RSF1: variants seen among roughly 807,000 people sequenced by gnomAD.
The protein encoded by RSF1 is remodeling and spacing factor 1.
Under a neutral mutation model 145.2 loss-of-function variants are expected in RSF1, and 13 were observed. The observed-to-expected ratio is 0.09, with a 90% CI of 0.06 to 0.14. The LOEUF (loss-of-function observed/expected upper bound fraction) is 0.14, where lower values mean the gene tolerates loss of function less well. Ranked by LOEUF, RSF1 falls within the 10% of genes least tolerant of loss-of-function variation. RSF1 has a pLI of 1.00. For synonymous variants in RSF1, 577 were observed against 592.6 expected (o/e 0.97, Z 0.38); for missense variants, 1,517 against 1,718.2 (o/e 0.88, Z 2.07).
chr11:77,755,318 G>A (rs1330313056), intron 2 of RSF1, among the ~76,000 whole-genome samples: 1 of 152,178 alleles, frequency 6.6e-6, no homozygotes, highest in Non-Finnish European at 1.5e-5. Flanking sequence ...CAGGACAGCT[G>A]ATGGAACAGA....
intron 1 of RSF1, among the ~76,000 whole-genome samples, chr11:77,796,415 G>T (rs531030528): frequency 6.6e-6 from 1 of 152,146 alleles, no homozygotes; most frequent in Non-Finnish European, 1.5e-5. Flanking sequence ...AAAATTACAT[G>T]ATTATCTCAA....
chr11:77,737,867 C>T (rs1226534221), intron 4 of RSF1, among the ~76,000 whole-genome samples: 2 of 152,180 alleles, frequency 1.3e-5, no homozygotes, highest in Non-Finnish European at 2.9e-5. Flanking sequence ...CGGTGGCTCA[C>T]GCCTGTAATC....
At chr11:77,841,434 G>T in the RSF1 span, among the ~76,000 whole-genome samples, 1 of 152,110 alleles carries the variant, frequency 6.6e-6, no homozygotes, top group South Asian at 2.1e-4. Flanking sequence ...ATATAGCTTA[G>T]TGTTCAGCCA....
At chr11:77,752,643 T>A (rs376589665) in intron 2 of RSF1, among the ~76,000 whole-genome samples, 1 of 152,160 alleles carries the variant, frequency 6.6e-6, no homozygotes, top group Non-Finnish European at 1.5e-5. Flanking sequence ...GAGTCCTTGA[T>A]GTCCCTGGCT....
intron 7 of RSF1, among the ~76,000 whole-genome samples, chr11:77,695,448 GAATT>G (rs1960257368): frequency 6.6e-6 from 1 of 152,054 alleles, no homozygotes; most frequent in African/African-American, 2.4e-5. Flanking sequence ...ATATCAATAT[GAATT>G]AATGATTATT....
chr11:77,822,543 G>T (rs1253715309), upstream of RSF1, among the ~76,000 whole-genome samples: 3 of 151,952 alleles, frequency 2.0e-5, no homozygotes, highest in African/African-American at 7.3e-5. Context: ...AGGGAAAATG[G>T]TCACACAAAC....
chr11:77,773,496 T>A (rs1447505738), intron 1 of RSF1, among the ~76,000 whole-genome samples: 1 of 152,146 alleles, frequency 6.6e-6, no homozygotes, highest in East Asian at 1.9e-4. Context: ...AGGAAAAAAA[T>A]CTAAATCTGG....
At position 77,788,885 on chromosome 11, in the gene RSF1, T is replaced by C. The variant is rs924083973; in HGVS notation, c.188-24196A>G. On this transcript the variant is annotated intron_variant, in intron 1 of 15. Coordinates refer to ENST00000308488, the MANE Select transcript of RSF1 (RefSeq NM_016578.4). Reference sequence around the variant, plus strand: ...CACTTTGAATAGATCACCCAAGAGATAGATGCCAGGAAAAGAGAGGCATGT... The same window carrying C: ...CACTTTGAATAGATCACCCAAGAGACAGATGCCAGGAAAAGAGAGGCATGT... Among the ~76,000 whole-genome samples, 6 of 152,200 alleles carry C rather than the reference T, an allele frequency of 3.9e-5. 1 individual carries two copies. The highest frequency in any genetic ancestry group is 6.8e-3 in the Middle Eastern group (2 of 294).
At chr11:77,810,767 G>A (rs1948722857) in intron 1 of RSF1, among the ~76,000 whole-genome samples, 1 of 152,120 alleles carries the variant, frequency 6.6e-6, no homozygotes, top group African/African-American at 2.4e-5. Context: ...CCATGTTGGC[G>A]AGGCTGGAAA....
chr11:77,675,143 G>T lies in RSF1; in HGVS notation c.3455C>A (p.Pro1152His). 1 of 1,614,108 alleles carries T rather than the reference G, an allele frequency of 6.2e-7. No individual in the cohort carries two copies. The highest frequency in any genetic ancestry group is 8.5e-7 in the Non-Finnish European group (1 of 1,180,000). Residue 1152 changes from proline (P) to histidine (H), a missense_variant, in exon 14 of 16, where the codon CCC becomes CAC. Physicochemically the swap from Pro to His is moderately conservative, Grantham distance 77 (BLOSUM62 -2). Around this residue, in one of 12 missense-constraint regions of RSF1, gnomAD observed 231 missense variants for 276.6 expected, o/e 0.84. Coordinates refer to ENST00000308488, the MANE Select transcript of RSF1 (RefSeq NM_016578.4). ...DFCSRRLRRHPSRPMRQSRRL... is the reference protein window; with the variant it reads ...DFCSRRLRRHHSRPMRQSRRL... ...CCTGCTCTGCCTCATTGGCCGAGAGGGGTGTCGCCTCAGTCTACGGCTACA... is the reference window on the plus strand; with the variant it reads ...CCTGCTCTGCCTCATTGGCCGAGAGTGGTGTCGCCTCAGTCTACGGCTACA...
At chr11:77,669,981 A>T (rs531509371) in intron 15 of RSF1, among the ~76,000 whole-genome samples, 11 of 152,168 alleles carry the variant, frequency 7.2e-5, no homozygotes, top group Non-Finnish European at 1.3e-4. Context: ...AAATTTAAAA[A>T]TTAGCAGTGT....
chr11:77,779,419 G>A (rs1218266149), intron 1 of RSF1, among the ~76,000 whole-genome samples: 1 of 147,090 alleles, frequency 6.8e-6, no homozygotes, highest in African/African-American at 2.5e-5. Context: ...TTTCACTCTT[G>A]TTGCCCAGGC....
At chr11:77,779,187 A>G (rs138725930) in intron 1 of RSF1, among the ~76,000 whole-genome samples, 19 of 150,498 alleles carry the variant, frequency 1.3e-4, no homozygotes, top group Middle Eastern at 7.1e-3. Context: ...CAGGTGATCC[A>G]CCCACTTAGG....
chr11:77,733,007 T>C (rs1163330983), intron 4 of RSF1, among the ~76,000 whole-genome samples: 1 of 152,214 alleles, frequency 6.6e-6, no homozygotes, highest in Admixed American at 6.5e-5. Context: ...ATTGTATGAG[T>C]AATGTTAAGA....
chr11:77,756,604 T>C (rs1194755259), intron 2 of RSF1, among the ~76,000 whole-genome samples: 4 of 151,960 alleles, frequency 2.6e-5, no homozygotes, highest in African/African-American at 7.3e-5. Context: ...GTAAAATGGG[T>C]AAACTAGTAA....
chr11:77,820,172 C>T (rs1358873110), intron 1 of RSF1, among the ~76,000 whole-genome samples: 1 of 152,180 alleles, frequency 6.6e-6, no homozygotes, highest in Non-Finnish European at 1.5e-5. Context: ...CGCTCCCCTT[C>T]CCCCGCCGCC....
At chr11:77,768,807 T>C (rs1948252885) in intron 1 of RSF1, among the ~76,000 whole-genome samples, 1 of 152,196 alleles carries the variant, frequency 6.6e-6, no homozygotes, top group Non-Finnish European at 1.5e-5. Context: ...TATTAAACAT[T>C]AAAATCACCA....
the RSF1 span, among the ~76,000 whole-genome samples, chr11:77,845,829 G>T: frequency 2.6e-5 from 4 of 151,982 alleles, no homozygotes; most frequent in Non-Finnish European, 4.4e-5. Flanking sequence ...TTTGAACATG[G>T]TTTCCTTTGG....
the RSF1 span, among the ~76,000 whole-genome samples, chr11:77,850,132 C>T: frequency 6.6e-6 from 1 of 152,122 alleles, no homozygotes; most frequent in Non-Finnish European, 1.5e-5. Flanking sequence ...AACATTCCCT[C>T]TGAGATAGGT....
Sources: allele counts gnomAD v4.1 joint callset (sites outside exome capture counted in the v4.1 genomes callset), GRCh38; gene constraint gnomAD v4.1.1; regional missense constraint gnomAD v4.1.1; transcripts MANE v1.5; gene names NCBI Gene and HGNC (gene_info 2026-07-23, HGNC 2026-07-21).